GNAL: variants seen among roughly 807,000 people sequenced by gnomAD.
GNAL encodes the protein guanine nucleotide-binding protein G(olf) subunit alpha.
In GNAL, 18 loss-of-function variants were observed where a neutral mutation model predicts 55.1. The ratio of observed to expected loss-of-function variants is 0.33; its 90% CI spans 0.23 to 0.48. GNAL has a LOEUF of 0.48. Among genes scored for constraint, GNAL ranks in the 20% least tolerant of loss-of-function variants. The pLI is 0.99. For synonymous variants in GNAL, 253 were observed against 237.0 expected (o/e 1.07, Z -0.62); for missense variants, 412 against 614.1 (o/e 0.67, Z 3.48).
intron 5 of GNAL, among the ~76,000 whole-genome samples, chr18:11,855,531 C>T (rs949840446): frequency 6.6e-6 from 1 of 152,128 alleles, no homozygotes; most frequent in Non-Finnish European, 1.5e-5. Context: ...AGTTCAGGAA[C>T]CCAGATGATA....
In GNAL at chr18:11,868,554, A is replaced by G. The variant is rs897686248; in HGVS notation, c.922A>G (p.Ile308Val). 3 of 1,611,598 alleles carry G rather than the reference A, an allele frequency of 1.9e-6. No individual in the cohort carries two copies. The highest frequency in any genetic ancestry group is 2.5e-6 in the Non-Finnish European group (3 of 1,178,792). ...WIQCFNDVTA[I>V]IYVAACSSYN... Reference sequence around the variant, plus strand: ...TTCTCCCCACCAAGATGTCACAGCTATCATTTACGTCGCAGCCTGCAGTAG... The same window carrying G: ...TTCTCCCCACCAAGATGTCACAGCTGTCATTTACGTCGCAGCCTGCAGTAG... The change falls in exon 9 of 12, where the codon ATC becomes GTC. Residue 308 changes from isoleucine (I) to valine (V), a missense_variant. This residue lies in a region of GNAL where 53 missense variants were observed against 182.7 expected (regional missense o/e 0.29). Transcript: ENST00000334049. This position sits in a 1 kb window ranked among gnomAD's most constrained non-coding sequence, Gnocchi z 4.0.
chr18:11,768,893 CAA>C (rs201256718), intron 4 of GNAL, among the ~76,000 whole-genome samples: 1 of 79,626 alleles, frequency 1.3e-5, no homozygotes, highest in Non-Finnish European at 2.4e-5. Context: ...GACTCTGTCT[CAA>C]AAAAAAAAAA....
At chr18:11,782,023 A>G (rs76026584) in intron 4 of GNAL, among the ~76,000 whole-genome samples, 13,900 of 152,302 alleles carry the variant, frequency 0.091, 698 homozygotes, top group Middle Eastern at 0.14. Context: ...AATATTCATC[A>G]GTGAAAAGGT....
intron 4 of GNAL, among the ~76,000 whole-genome samples, chr18:11,788,620 C>T (rs1407538878): frequency 1.3e-5 from 2 of 151,886 alleles, no homozygotes; most frequent in African/African-American, 4.8e-5. Context: ...GCCTGTAATA[C>T]CAGCACTTTG....
intron 4 of GNAL, among the ~76,000 whole-genome samples, chr18:11,807,058 C>A (rs912395436): frequency 6.6e-6 from 1 of 151,768 alleles, no homozygotes; most frequent in Non-Finnish European, 1.5e-5. Flanking sequence ...ACTGGGGAGG[C>A]TGAGGCAGGA....
At chr18:11,816,136 A>G (rs924388764) in intron 4 of GNAL, among the ~76,000 whole-genome samples, 2 of 152,208 alleles carry the variant, frequency 1.3e-5, no homozygotes, top group Non-Finnish European at 2.9e-5. Context: ...AGAAATAAAA[A>G]TAAATGTCCA....
At chr18:11,761,126 T>G (rs2033227911) in intron 4 of GNAL, among the ~76,000 whole-genome samples, 1 of 152,092 alleles carries the variant, frequency 6.6e-6, no homozygotes, top group Admixed American at 6.6e-5. Context: ...GGTCCCGTGG[T>G]CTGACATGGC....
chr18:11,833,930 C>T (rs998655375), intron 5 of GNAL, among the ~76,000 whole-genome samples: 1 of 152,172 alleles, frequency 6.6e-6, no homozygotes, highest in African/African-American at 2.4e-5. Flanking sequence ...CCCTTGTATT[C>T]GCTTCTGCCT....
At chr18:11,753,232 ATAT>A (rs2032921519) in intron 2 of GNAL, among the ~76,000 whole-genome samples, 1 of 143,304 alleles carries the variant, frequency 7.0e-6, no homozygotes. Flanking sequence ...TTTCAATATA[ATAT>A]TATTTGTTTG....
intron 4 of GNAL, among the ~76,000 whole-genome samples, chr18:11,813,587 G>C (rs1414996529): frequency 6.6e-6 from 1 of 152,224 alleles, no homozygotes; most frequent in African/African-American, 2.4e-5. Flanking sequence ...GGAGAAGTTA[G>C]AACTGCCTAA....
intron 4 of GNAL, among the ~76,000 whole-genome samples, chr18:11,787,736 T>C (rs1460504336): frequency 1.3e-5 from 2 of 151,934 alleles, no homozygotes; most frequent in Non-Finnish European, 2.9e-5. Context: ...TAGCCAGGCA[T>C]GGTGGCGGGT....
chr18:11,804,958 G>A (rs376748283), intron 4 of GNAL, among the ~76,000 whole-genome samples: 10 of 140,346 alleles, frequency 7.1e-5, no homozygotes, highest in Admixed American at 2.1e-4. Flanking sequence ...TGAAGTACAG[G>A]TGCAGTTTGA....
chr18:11,817,348 A>G (rs1402157531), intron 4 of GNAL, among the ~76,000 whole-genome samples: 1 of 152,220 alleles, frequency 6.6e-6, no homozygotes, highest in Non-Finnish European at 1.5e-5. Context: ...TTTATGAAGT[A>G]TTCTCGATGG....
At chr18:11,857,405 G>A (rs1023933286) in intron 5 of GNAL, 3 of 766,832 alleles carry the variant, frequency 3.9e-6, no homozygotes, top group Non-Finnish European at 4.8e-6. Context: ...AAACTACAGG[G>A]AGTTTTGACT....
intron 5 of GNAL, chr18:11,854,278 C>G (rs1293283862): frequency 6.0e-6 from 1 of 167,052 alleles, no homozygotes; most frequent in Non-Finnish European, 1.5e-5. Context: ...TATGCTTGAA[C>G]TTTCTTAAAA....
rs553047838 is a variant in GNAL at position 11,827,509 on chromosome 18, A to T, written c.722+2494A>T. Among the ~76,000 whole-genome samples, 180 of 150,438 alleles carry T rather than the reference A, an allele frequency of 1.2e-3. 6 individuals carry two copies. In the South Asian group the frequency reaches 0.037, roughly 31 times the overall value. The stretch of plus-strand genomic sequence containing the variant: ...GACACCTGTAATCCCAGCTACTCGG[A>T]GGTTGAGGCAGGAGAATCGCTCGAA... On this transcript the variant is annotated intron_variant, in intron 5 of 11. Coordinates refer to ENST00000334049, the MANE Select transcript of GNAL (RefSeq NM_182978.4).
intron 5 of GNAL, among the ~76,000 whole-genome samples, chr18:11,840,712 C>T (rs1046243165): frequency 1.3e-5 from 2 of 152,086 alleles, no homozygotes; most frequent in African/African-American, 4.8e-5. Context: ...TGGACGTATT[C>T]GGGAATGCTG....
At chr18:11,771,042 C>G (rs1238699066) in intron 4 of GNAL, among the ~76,000 whole-genome samples, 1 of 151,820 alleles carries the variant, frequency 6.6e-6, no homozygotes, top group South Asian at 2.1e-4. Flanking sequence ...TGATCAAACC[C>G]TGTCTCTACT....
chr18:11,862,796 T>TG (rs889502054), intron 6 of GNAL, among the ~76,000 whole-genome samples: 3 of 151,426 alleles, frequency 2.0e-5, no homozygotes, highest in Non-Finnish European at 4.4e-5. Flanking sequence ...GCCCTGGGCC[T>TG]GGGGGGTCCC....
Sources: gnomAD v4.1 joint callset for allele counts (sites outside exome capture counted in the v4.1 genomes callset) on GRCh38, gnomAD v4.1.1 for gene constraint, gnomAD v4.1.1 regional missense constraint, Gnocchi (gnomAD v3.1) non-coding constraint, MANE v1.5 for transcripts, NCBI Gene and HGNC (gene_info 2026-07-23, HGNC 2026-07-21) for gene names.